ADCY5: variants seen among roughly 807,000 people sequenced by gnomAD.
The protein encoded by ADCY5 is adenylate cyclase 5, also known as adenylate cyclase type 5.
ADCY5 carries 30 observed loss-of-function variants against 119.7 expected under a neutral mutation model. That is an observed-to-expected ratio of 0.25 (90% CI 0.19 to 0.34). The LOEUF is 0.34. ADCY5 is among the 10% of genes least tolerant of loss of function. The pLI is 1.00. For synonymous variants in ADCY5, 753 were observed against 762.2 expected, an observed-to-expected ratio of 0.99 and a Z score of 0.20; for missense variants, 1,324 against 1,775.2, an observed-to-expected ratio of 0.75 and a Z score of 4.57.
intron 3 of ADCY5, among the ~76,000 whole-genome samples, 157 bp from the exon 4 acceptor site, chr3:123,332,832 G>T (rs1318216079): frequency 6.6e-6 from 1 of 151,866 alleles, no homozygotes; most frequent in Admixed American, 6.6e-5. Flanking sequence ...AAGGCTCACT[G>T]CAGCCTCGAC....
intron 1 of ADCY5, among the ~76,000 whole-genome samples, chr3:123,371,558 C>A (rs1420436225): frequency 6.6e-6 from 1 of 152,182 alleles, no homozygotes; most frequent in South Asian, 2.1e-4. Context: ...GGAAGTGGCA[C>A]GCGGCCGGAC....
intron 1 of ADCY5, among the ~76,000 whole-genome samples, chr3:123,356,277 A>T (rs1943034498): frequency 6.6e-6 from 1 of 152,194 alleles, no homozygotes; most frequent in African/African-American, 2.4e-5. Flanking sequence ...CATATAAATA[A>T]CAAAAGAAAA....
chr3:123,388,714 C>A (rs564990447), intron 1 of ADCY5, among the ~76,000 whole-genome samples: 2 of 152,246 alleles, frequency 1.3e-5, no homozygotes, highest in South Asian at 4.2e-4. Context: ...CAAAGAAAGA[C>A]AAGAATGGGA....
chr3:123,328,143 G>T (rs1425894484), intron 6 of ADCY5, among the ~76,000 whole-genome samples: 1 of 152,220 alleles, frequency 6.6e-6, no homozygotes, highest in Admixed American at 6.5e-5. Flanking sequence ...GAACACAGGC[G>T]CTGTTTCTCC....
chr3:123,346,992 G>A (rs1367697804), intron 3 of ADCY5, among the ~76,000 whole-genome samples: 6 of 152,154 alleles, frequency 3.9e-5, no homozygotes, highest in African/African-American at 7.2e-5. Context: ...CTAGGGAGGC[G>A]GCAAACACGC....
rs1938546735 is a variant in ADCY5 at position 123,283,843 on chromosome 3, AG to A, written c.*764del. 6.6e-6 allele frequency: 1 copy of A among 152,242 alleles called. No individual in the cohort carries two copies. The allele number at this position is 152,242 out of a possible 1,614,324, so 9.4% of individuals were successfully genotyped here. ...CAAAATAAAAAATACAAAAAAGACA[AG>A]TGGGGATCCCCGCCCTCCCCCCGAG... is the stretch of plus-strand genomic sequence containing the variant. On this transcript the variant is annotated 3_prime_UTR_variant, in exon 21 of 21. Transcript: ENST00000462833.
chr3:123,436,342 T>C (rs754789221), intron 1 of ADCY5, among the ~76,000 whole-genome samples: 12 of 151,038 alleles, frequency 7.9e-5, no homozygotes, highest in South Asian at 4.2e-4. Context: ...CACTGTACTC[T>C]AGCCTGCGCA....
At chr3:123,313,108 C>T (rs1049342792) in intron 12 of ADCY5, among the ~76,000 whole-genome samples, 8 of 147,152 alleles carry the variant, frequency 5.4e-5, no homozygotes, top group African/African-American at 1.9e-4. Flanking sequence ...GCTTCTCACA[C>T]GTGCCCAATG....
intron 15 of ADCY5, among the ~76,000 whole-genome samples, chr3:123,298,173 TATTTTTA>T (rs1939635641): frequency 6.6e-6 from 1 of 152,142 alleles, no homozygotes; most frequent in Admixed American, 6.5e-5. Context: ...CTAATTTTTG[TATTTTTA>T]ATAGACGTGG....
intron 1 of ADCY5, among the ~76,000 whole-genome samples, chr3:123,442,343 G>T (rs1274685111): frequency 2.0e-5 from 3 of 152,218 alleles, no homozygotes; most frequent in Non-Finnish European, 4.4e-5. Context: ...GTCCCAGTTT[G>T]GTGAGGACCA....
chr3:123,283,111 T>G lies in ADCY5; in HGVS notation c.*1497A>C, dbSNP rs1938481334. ...GCTCTACCCATTCCTCTGCCTGGTT[T>G]GCCGGTGGAGGTCAAGGCCACTCCC... is the stretch of plus-strand genomic sequence containing the variant. On this transcript the variant is annotated 3_prime_UTR_variant, in exon 21 of 21. Coordinates refer to ENST00000462833, the MANE Select transcript of ADCY5 (RefSeq NM_183357.3). The G allele has an allele frequency of 6.6e-6, 1 of 152,248 alleles. No homozygotes were observed. Among genetic ancestry groups the G allele is most frequent in the African/African-American group, 2.4e-5 (1 of 41,458 alleles). 9.4% of individuals were successfully genotyped at this position (152,248 alleles called of 1,614,324 possible).
At chr3:123,372,079 A>G (rs1576634341) in intron 1 of ADCY5, among the ~76,000 whole-genome samples, 1 of 152,150 alleles carries the variant, frequency 6.6e-6, no homozygotes, top group East Asian at 1.9e-4. Flanking sequence ...ACTTGCTGAC[A>G]CTGCACTTAC....
intron 5 of ADCY5, among the ~76,000 whole-genome samples, chr3:123,329,727 C>T (rs1485204294): frequency 3.9e-5 from 6 of 152,190 alleles, no homozygotes; most frequent in Non-Finnish European, 8.8e-5. Context: ...ACTGAGACTC[C>T]CTGACCCCAT....
At position 123,303,209 on chromosome 3, in the gene ADCY5, T is replaced by C; in HGVS notation, c.2570A>G (p.Asn857Ser). The C allele has an allele frequency of 6.2e-7, 1 of 1,612,530 alleles. No homozygotes were observed. Among genetic ancestry groups the C allele is most frequent in the Non-Finnish European group, 8.5e-7 (1 of 1,179,284 alleles). The change falls in exon 14 of 21, where the codon AAC (asparagine) becomes AGC (serine). Residue 857 changes from asparagine (N) to serine (S), a missense_variant. Asn to Ser is a conservative substitution (Grantham distance 46). This residue lies in a region of ADCY5 where 424 missense variants were observed against 546.8 expected (regional missense o/e 0.78). Transcript: ENST00000462833. ...LAAFVNMFTC[N>S]SRDLLGCLAQ... The stretch of plus-strand genomic sequence containing the variant: ...CAAGCAGCCCAGCAGGTCCCTGGAG[T>C]TGCACGTGAACTGGGGGGAGGAAGG...
intron 1 of ADCY5, among the ~76,000 whole-genome samples, chr3:123,423,981 A>C (rs1182634304): frequency 6.6e-6 from 1 of 152,154 alleles, no homozygotes; most frequent in African/African-American, 2.4e-5. Context: ...CTCGCTTTTC[A>C]TTCTGTCCTC....
intron 1 of ADCY5, among the ~76,000 whole-genome samples, chr3:123,390,477 T>C (rs1471077824): frequency 6.6e-6 from 1 of 152,234 alleles, no homozygotes; most frequent in African/African-American, 2.4e-5. Context: ...AGGTGGCCTG[T>C]GGGAGCCTAG....
At chr3:123,333,559 C>T (rs1274583842) in intron 3 of ADCY5, among the ~76,000 whole-genome samples, 2 of 152,240 alleles carry the variant, frequency 1.3e-5, no homozygotes, top group Non-Finnish European at 2.9e-5. Flanking sequence ...TGCTGCTATC[C>T]TCCTTCTGTG....
rs1406259211 is a variant in ADCY5 at position 123,328,840 on chromosome 3, G to A, written c.1647-38C>T. Reference sequence around the variant, plus strand: ...CAGGAGTAAAGCTGGGAGAAGGCTGGAGGCCAGGCACACAGAATGGGGGTG... The same window carrying A: ...CAGGAGTAAAGCTGGGAGAAGGCTGAAGGCCAGGCACACAGAATGGGGGTG... On this transcript the variant is annotated intron_variant, in intron 5 of 20. Coordinates refer to ENST00000462833, the MANE Select transcript of ADCY5 (RefSeq NM_183357.3). 8.1e-6 allele frequency: 13 copies of A among 1,600,736 alleles called. No homozygotes were observed. The African/African-American group carries it at 1.7e-4, about 21-fold the overall frequency.
chr3:123,401,846 T>TA (rs1944763405), intron 1 of ADCY5, among the ~76,000 whole-genome samples: 1 of 152,136 alleles, frequency 6.6e-6, no homozygotes, highest in Non-Finnish European at 1.5e-5. Context: ...AGAAAGGGTC[T>TA]TAGAAATATA....
Sources: allele counts gnomAD v4.1 joint callset (sites outside exome capture counted in the v4.1 genomes callset), GRCh38; gene constraint gnomAD v4.1.1; regional missense constraint gnomAD v4.1.1; transcripts MANE v1.5; gene names NCBI Gene and HGNC (gene_info 2026-07-23, HGNC 2026-07-21).